The following FOXP1 variants were observed in gnomAD, a reference collection of about 807,000 sequenced individuals.
FOXP1 encodes forkhead box protein P1.
Under a neutral mutation model 98.2 loss-of-function variants are expected in FOXP1, and 15 were observed. That is an observed-to-expected ratio of 0.15 (90% CI 0.10 to 0.24). The LOEUF (loss-of-function observed/expected upper bound fraction) is 0.24. Among genes scored for constraint, FOXP1 ranks in the 10% least tolerant of loss-of-function variants. The pLI, the probability that FOXP1 is intolerant of heterozygous loss-of-function variation, is 1.00. For synonymous variants in FOXP1, 371 were observed against 314.5 expected (o/e 1.18, Z -1.90); for missense variants, 633 against 848.5 (o/e 0.75, Z 3.15).
chr3:71,548,353 T>C (rs1376655252), intron 2 of FOXP1, among the ~76,000 whole-genome samples: 1 of 152,192 alleles, frequency 6.6e-6, no homozygotes, highest in Non-Finnish European at 1.5e-5. Context: ...AACAGCCTCA[T>C]AACAGTCTAG....
At chr3:71,014,765 G>A (rs1576166702) in intron 12 of FOXP1, among the ~76,000 whole-genome samples, 1 of 152,124 alleles carries the variant, frequency 6.6e-6, no homozygotes, top group Non-Finnish European at 1.5e-5. Flanking sequence ...TGATAGACTG[G>A]ATTACGAAAA....
At chr3:71,547,605 A>G (rs1486813065) in intron 2 of FOXP1, among the ~76,000 whole-genome samples, 1 of 152,236 alleles carries the variant, frequency 6.6e-6, no homozygotes, top group East Asian at 1.9e-4. Flanking sequence ...CTATGACATT[A>G]GAAGGCAACT....
intron 6 of FOXP1, among the ~76,000 whole-genome samples, chr3:71,159,739 G>A (rs1475055438): frequency 1.3e-5 from 2 of 151,790 alleles, no homozygotes; most frequent in African/African-American, 4.8e-5. Context: ...CCTTACAAGA[G>A]GTTTAAAAAA....
intron 3 of FOXP1, among the ~76,000 whole-genome samples, chr3:71,479,979 CGAGGTCAG>C (rs1038678021): frequency 2.6e-4 from 40 of 151,922 alleles, no homozygotes; most frequent in Non-Finnish European, 5.3e-4. Context: ...AGGCAGATCA[CGAGGTCAG>C]GAGTTCGACA....
chr3:71,292,642 TAATTTTAAATA>T (rs1324546487), intron 5 of FOXP1: 34 of 152,320 alleles, frequency 2.2e-4, no homozygotes, highest in African/African-American at 7.7e-4. Context: ...GCCTAAAAGG[TAATTTTAAATA>T]ACTGGTCACA....
chr3:71,081,060 C>T (rs889871865), intron 7 of FOXP1, among the ~76,000 whole-genome samples: 2 of 152,274 alleles, frequency 1.3e-5, no homozygotes, highest in Admixed American at 6.5e-5. Context: ...AGGCAACCTC[C>T]GACTAAACTA....
chr3:71,061,108 G>A (rs534932091), intron 7 of FOXP1, among the ~76,000 whole-genome samples: 4 of 151,694 alleles, frequency 2.6e-5, no homozygotes, highest in Admixed American at 2.6e-4. Context: ...TTTTTTAAAC[G>A]AAAGAAAATA....
At position 71,434,608 on chromosome 3, in the gene FOXP1, C is replaced by T. The variant is rs1291055029; in HGVS notation, c.-168+58818G>A. On this transcript the variant is annotated intron_variant, in intron 3 of 20. Coordinates refer to ENST00000649528, the MANE Select transcript of FOXP1 (RefSeq NM_001349338.3). ...AAATAGTAAAACCAGAAGGTGGACA[C>T]GGTGACCCTCATGAGGGGATGGGGT... is the stretch of plus-strand genomic sequence containing the variant. Among the ~76,000 whole-genome samples, 3 of 150,450 alleles carry T rather than the reference C, an allele frequency of 2.0e-5. No homozygotes were observed. The East Asian group carries it at 5.8e-4, about 29-fold the overall frequency.
intron 5 of FOXP1, among the ~76,000 whole-genome samples, chr3:71,261,937 T>A (rs550337170): frequency 6.6e-6 from 1 of 152,298 alleles, no homozygotes; most frequent in East Asian, 1.9e-4. Context: ...AAGTATCATT[T>A]ATTAATTCAT....
chr3:71,558,535 G>A (rs1331171977), intron 2 of FOXP1, among the ~76,000 whole-genome samples: 7 of 148,472 alleles, frequency 4.7e-5, no homozygotes, highest in Admixed American at 2.0e-4. Context: ...TCACTCTGTC[G>A]CCATGCTGGA....
chr3:71,525,092 C>T (rs1467416485), intron 2 of FOXP1, among the ~76,000 whole-genome samples: 2 of 152,204 alleles, frequency 1.3e-5, no homozygotes, highest in Admixed American at 6.5e-5. Context: ...ATGCCTGATG[C>T]AGGGTCCAAA....
intron 4 of FOXP1, among the ~76,000 whole-genome samples, chr3:71,331,608 G>A (rs1484359433): frequency 6.6e-6 from 1 of 152,254 alleles, no homozygotes; most frequent in African/African-American, 2.4e-5. Flanking sequence ...CTAAGGGATT[G>A]TAAATACACC....
At chr3:71,038,346 CAG>C (rs2047885072) in intron 11 of FOXP1, among the ~76,000 whole-genome samples, 2 of 152,170 alleles carry the variant, frequency 1.3e-5, no homozygotes, top group South Asian at 4.1e-4. Flanking sequence ...TTCAGTGTGG[CAG>C]AGACTCTTTC....
At chr3:71,222,189 C>T (rs779176762) in intron 5 of FOXP1, among the ~76,000 whole-genome samples, 2 of 151,944 alleles carry the variant, frequency 1.3e-5, no homozygotes, top group African/African-American at 2.4e-5. Flanking sequence ...AACCCAAGTC[C>T]TTCACCCAGA....
intron 2 of FOXP1, among the ~76,000 whole-genome samples, chr3:71,577,731 T>C (rs2047835084): frequency 6.6e-6 from 1 of 152,064 alleles, no homozygotes; most frequent in South Asian, 2.1e-4. Context: ...CTTGGCTTGC[T>C]GGCTTGTCTC....
intron 5 of FOXP1, among the ~76,000 whole-genome samples, chr3:71,264,418 C>T (rs2069444334): frequency 6.6e-6 from 1 of 152,136 alleles, no homozygotes; most frequent in Non-Finnish European, 1.5e-5. Flanking sequence ...TCCATAATTC[C>T]AGAGTGCACT....
At chr3:71,156,507 AG>A (rs58303850) in intron 6 of FOXP1, among the ~76,000 whole-genome samples, 53,913 of 151,824 alleles carry the variant, frequency 0.36, 10,403 homozygotes, top group East Asian at 0.68. Context: ...TGAGCCTGGG[AG>A]GGGGGGAAAA....
chr3:70,995,837 A>C (rs536737496), intron 13 of FOXP1, among the ~76,000 whole-genome samples: 1 of 152,354 alleles, frequency 6.6e-6, no homozygotes, highest in African/African-American at 2.4e-5. Flanking sequence ...CAAGCTCTAC[A>C]TAAACATTCT....
chr3:71,395,821 G>C (rs879856130), intron 3 of FOXP1, among the ~76,000 whole-genome samples: 29 of 151,012 alleles, frequency 1.9e-4, no homozygotes, highest in South Asian at 4.1e-4. Context: ...TCTTTATAAT[G>C]TAGAGTCCTT....
Sources: gnomAD v4.1 joint callset for allele counts (sites outside exome capture counted in the v4.1 genomes callset) on GRCh38, gnomAD v4.1.1 for gene constraint, MANE v1.5 for transcripts, NCBI Gene and HGNC (gene_info 2026-07-23, HGNC 2026-07-21) for gene names.